EFNA5: variants seen among roughly 807,000 people sequenced by gnomAD.
The protein encoded by EFNA5 is ephrin A5, also known as ephrin-A5.
EFNA5 carries 5 observed loss-of-function variants against 22.9 expected under a neutral mutation model. The ratio of observed to expected loss-of-function variants is 0.22; its 90% CI spans 0.11 to 0.46. EFNA5 has a LOEUF of 0.46. Ranked by LOEUF, EFNA5 falls within the 20% of genes least tolerant of loss-of-function variation. The pLI, the probability that EFNA5 is intolerant of heterozygous loss-of-function variation, is 0.99. For missense variants in EFNA5, 237 were observed against 293.3 expected (o/e 0.81, Z 1.40); for synonymous variants, 113 against 112.2 (o/e 1.01, Z -0.04).
intron 1 of EFNA5, among the ~76,000 whole-genome samples, chr5:107,526,651 A>T (rs1222874453): frequency 6.6e-6 from 1 of 152,248 alleles, no homozygotes; most frequent in African/African-American, 2.4e-5. Context: ...AAAGAACAGG[A>T]TTTACTTCTG....
chr5:107,563,906 A>G (rs895642787), intron 1 of EFNA5, among the ~76,000 whole-genome samples: 11 of 152,312 alleles, frequency 7.2e-5, no homozygotes, highest in Non-Finnish European at 1.5e-4. Context: ...TCTTGTTCGC[A>G]AGTCATCAGA....
At chr5:107,545,440 T>C (rs963315956) in intron 1 of EFNA5, among the ~76,000 whole-genome samples, 1 of 152,206 alleles carries the variant, frequency 6.6e-6, no homozygotes, top group South Asian at 2.1e-4. Context: ...AGAAGCACAA[T>C]GAAAACACTG....
intron 1 of EFNA5, among the ~76,000 whole-genome samples, chr5:107,600,106 G>C (rs908979479): frequency 1.3e-5 from 2 of 152,206 alleles, no homozygotes; most frequent in African/African-American, 4.8e-5. Context: ...GAATATGACT[G>C]ATCAGTGCCA....
intron 1 of EFNA5, among the ~76,000 whole-genome samples, chr5:107,453,360 T>G (rs1343040458): frequency 1.3e-5 from 2 of 152,170 alleles, no homozygotes; most frequent in Non-Finnish European, 2.9e-5. Flanking sequence ...CAAAATTTAT[T>G]TCATCTGAAA....
intron 1 of EFNA5, among the ~76,000 whole-genome samples, chr5:107,609,564 C>T (rs1184546164): frequency 1.3e-5 from 2 of 152,172 alleles, no homozygotes; most frequent in Non-Finnish European, 2.9e-5. Flanking sequence ...CATGCAAAAA[C>T]AGGGAAGAAA....
At chr5:107,615,797 C>T (rs746643564) in intron 1 of EFNA5, among the ~76,000 whole-genome samples, 6 of 152,226 alleles carry the variant, frequency 3.9e-5, no homozygotes, top group Middle Eastern at 6.8e-3. Flanking sequence ...AGGGGTCGCT[C>T]GTCCATCTTT....
At chr5:107,500,001 C>G (rs1323111717) in intron 1 of EFNA5, among the ~76,000 whole-genome samples, 1 of 152,178 alleles carries the variant, frequency 6.6e-6, no homozygotes, top group African/African-American at 2.4e-5. Flanking sequence ...GATCATTCAT[C>G]CTGCAGCCTG....
chr5:107,496,480 A>G (rs1232307961), intron 1 of EFNA5, among the ~76,000 whole-genome samples: 1 of 152,070 alleles, frequency 6.6e-6, no homozygotes, highest in African/African-American at 2.4e-5. Context: ...GTGTTTCCAT[A>G]GAGGATGAGC....
At chr5:107,591,893 A>ATATAT in intron 1 of EFNA5, among the ~76,000 whole-genome samples, 1 of 13,214 alleles carries the variant, frequency 7.6e-5, no homozygotes, top group African/African-American at 6.0e-4. Context: ...TATATATATT[A>ATATAT]TATATAATAT....
intron 1 of EFNA5, among the ~76,000 whole-genome samples, chr5:107,601,778 C>T (rs777496520): frequency 6.6e-6 from 1 of 151,986 alleles, no homozygotes; most frequent in East Asian, 1.9e-4. Flanking sequence ...CAGAAACACA[C>T]AAACAAAAAA....
At position 107,591,919 on chromosome 5, in the gene EFNA5, T is replaced by TATAATATATATATTATATATA. The variant is rs1561442930; in HGVS notation, c.125+78569_125+78570insTATATATAATATATATATTAT. On this transcript the variant is annotated intron_variant, in intron 1 of 4. Transcript: ENST00000333274. The stretch of plus-strand genomic sequence containing the variant: ...TATATAATATATAATATAAAAAATA[T>TATAATATATATATTATATATA]ATATATAATATATAATATATATATT... Among the ~76,000 whole-genome samples, 4 of 6,314 alleles carry TATAATATATATATTATATATA rather than the reference T, an allele frequency of 6.3e-4. No individual in the cohort carries two copies. In the African/African-American group the frequency reaches 7.8e-3, roughly 12 times the overall value. 4.1% of individuals were successfully genotyped at this position (6,314 alleles called of 152,430 possible).
Position 107,387,695 on chromosome 5 carries a change from A to G in EFNA5, c.484+11T>C. Reference sequence around the variant, plus strand: ...GAAGCCACCCTCTGAAGCTCATTCTAGTGAACTTACTTGTTGGTCTCACAA... The same window carrying G: ...GAAGCCACCCTCTGAAGCTCATTCTGGTGAACTTACTTGTTGGTCTCACAA... On this transcript the variant is annotated intron_variant, in intron 3 of 4. Transcript: ENST00000333274. 1.2e-6 allele frequency: 2 copies of G among 1,603,290 alleles called. No homozygotes were observed. The highest frequency in any genetic ancestry group is 1.7e-6 in the Non-Finnish European group (2 of 1,171,876).
At chr5:107,592,030 ATATAT>A in intron 1 of EFNA5, among the ~76,000 whole-genome samples, 1 of 91,228 alleles carries the variant, frequency 1.1e-5, no homozygotes, top group South Asian at 2.6e-4. Context: ...AATATATATT[ATATAT>A]TATATATATT....
chr5:107,389,213 A>G (rs1375480322), intron 2 of EFNA5, among the ~76,000 whole-genome samples: 1 of 152,228 alleles, frequency 6.6e-6, no homozygotes, highest in Admixed American at 6.5e-5. Flanking sequence ...CTTTCATTAA[A>G]TCATAGCCAG....
intron 1 of EFNA5, among the ~76,000 whole-genome samples, chr5:107,547,254 C>A (rs536586662): frequency 6.6e-6 from 1 of 152,272 alleles, no homozygotes; most frequent in South Asian, 2.1e-4. Flanking sequence ...AGAGGAAGGT[C>A]TTTTAAGCAA....
intron 1 of EFNA5, among the ~76,000 whole-genome samples, chr5:107,645,670 T>TA (rs1204902715): frequency 1.3e-5 from 2 of 152,220 alleles, no homozygotes; most frequent in African/African-American, 4.8e-5. Flanking sequence ...TACATATACT[T>TA]AAAGTCATGA....
intron 1 of EFNA5, among the ~76,000 whole-genome samples, chr5:107,648,623 C>A (rs561167283): frequency 2.0e-5 from 3 of 152,196 alleles, no homozygotes; most frequent in African/African-American, 7.2e-5. Flanking sequence ...AGCACAGTTG[C>A]GATCTCCCTG....
chr5:107,442,877 C>T (rs543875186), intron 1 of EFNA5, among the ~76,000 whole-genome samples: 6 of 149,358 alleles, frequency 4.0e-5, no homozygotes, highest in Non-Finnish European at 8.9e-5. Context: ...GTATTTCCCC[C>T]CAAGACAGAA....
At chr5:107,405,251 G>A (rs1018519422) in intron 2 of EFNA5, among the ~76,000 whole-genome samples, 4 of 152,178 alleles carry the variant, frequency 2.6e-5, no homozygotes, top group South Asian at 2.1e-4. Flanking sequence ...AGCCCTGGCC[G>A]GAAAGAGAAG....
Sources: allele counts gnomAD v4.1 joint callset (sites outside exome capture counted in the v4.1 genomes callset), GRCh38; gene constraint gnomAD v4.1.1; transcripts MANE v1.5; gene names NCBI Gene and HGNC (gene_info 2026-07-23, HGNC 2026-07-21).